The following ADGRB3 variants were observed in gnomAD, a reference collection of about 807,000 sequenced individuals.
The protein encoded by ADGRB3 is brain-specific angiogenesis inhibitor 3.
ADGRB3 carries 37 observed loss-of-function variants against 193.4 expected under a neutral mutation model. That is an observed-to-expected ratio of 0.19 (90% CI 0.15 to 0.25). The LOEUF (loss-of-function observed/expected upper bound fraction) is 0.25, where lower values mean the gene tolerates loss of function less well. ADGRB3 is among the 10% of genes least tolerant of loss of function. The pLI, the probability that ADGRB3 is intolerant of heterozygous loss-of-function variation, is 1.00. For missense variants in ADGRB3, 1,637 were observed against 1,852.9 expected, an observed-to-expected ratio of 0.88 and a Z score of 2.14; for synonymous variants, 690 against 644.2, an observed-to-expected ratio of 1.07 and a Z score of -1.08.
At chr6:69,290,093 A>G (rs955017333) in intron 20 of ADGRB3, among the ~76,000 whole-genome samples, 1 of 152,086 alleles carries the variant, frequency 6.6e-6, no homozygotes, top group African/African-American at 2.4e-5. Context: ...CAAGTTGCTA[A>G]GCTCAGAGGA....
At chr6:68,801,614 G>A (rs1055386044) in intron 3 of ADGRB3, among the ~76,000 whole-genome samples, 4 of 152,024 alleles carry the variant, frequency 2.6e-5, no homozygotes, top group South Asian at 4.1e-4. Flanking sequence ...GTTTGAACGC[G>A]GGAGGCAGAG....
chr6:68,768,799 A>C (rs962745198), intron 3 of ADGRB3, among the ~76,000 whole-genome samples: 1 of 152,120 alleles, frequency 6.6e-6, no homozygotes, highest in African/African-American at 2.4e-5. Flanking sequence ...CCATCTGACA[A>C]AGGGCTAATG....
At chr6:68,642,442 A>G (rs1239201563) in intron 3 of ADGRB3, among the ~76,000 whole-genome samples, 2 of 152,162 alleles carry the variant, frequency 1.3e-5, no homozygotes, top group African/African-American at 2.4e-5. Context: ...CTTCTTTAAT[A>G]ATATATTCAT....
At chr6:68,689,577 C>T (rs1421646377) in intron 3 of ADGRB3, among the ~76,000 whole-genome samples, 2 of 152,022 alleles carry the variant, frequency 1.3e-5, no homozygotes, top group East Asian at 1.9e-4. Flanking sequence ...ATCTCTTTAT[C>T]AGTAATTCAA....
intron 17 of ADGRB3, among the ~76,000 whole-genome samples, chr6:69,136,677 C>T (rs1774158481): frequency 6.6e-6 from 1 of 151,862 alleles, no homozygotes. Flanking sequence ...ATTTTCTTCA[C>T]TCTTTAACTT....
At chr6:69,249,038 C>T (rs890312215) in intron 20 of ADGRB3, among the ~76,000 whole-genome samples, 8 of 152,210 alleles carry the variant, frequency 5.3e-5, no homozygotes, top group African/African-American at 9.6e-5. Context: ...AGTGCAGTAG[C>T]GCGATCTTGG....
At chr6:69,322,139 T>C (rs1330537621) in intron 20 of ADGRB3, among the ~76,000 whole-genome samples, 1 of 152,018 alleles carries the variant, frequency 6.6e-6, no homozygotes, top group Non-Finnish European at 1.5e-5. Context: ...TTGCTAAGAA[T>C]AATGGCCTCC....
At chr6:69,205,559 G>A (rs1026464997) in intron 17 of ADGRB3, among the ~76,000 whole-genome samples, 11 of 152,088 alleles carry the variant, frequency 7.2e-5, no homozygotes, top group Non-Finnish European at 5.9e-5. Flanking sequence ...TTTGCCTCAT[G>A]GTTCTGGAGG....
rs59471051 is a variant in ADGRB3 at position 69,101,433 on chromosome 6, CGTGT to C, written c.2480+25420_2480+25423del. 1.6e-3 allele frequency among the ~76,000 whole-genome samples: 239 copies of C among 145,372 alleles called. 1 individual carries two copies. Among genetic ancestry groups the C allele is most frequent in the African/African-American group, 5.2e-3 (205 of 39,208 alleles). On this transcript the variant is annotated intron_variant, in intron 17 of 31. Coordinates refer to ENST00000370598, the MANE Select transcript of ADGRB3 (RefSeq NM_001704.3). ...TGCAAATATTAGATACAGTAAGTAT[CGTGT>C]GTGTGTGTGTGTGTGTGTGTGTGTA... is the stretch of plus-strand genomic sequence containing the variant.
chr6:68,735,753 G>A (rs1396753822), intron 3 of ADGRB3, among the ~76,000 whole-genome samples: 1 of 151,932 alleles, frequency 6.6e-6, no homozygotes, highest in Non-Finnish European at 1.5e-5. Context: ...ATTTTATAGA[G>A]AAAAAGAACT....
chr6:68,862,114 TTTAAAGAGGAGGAGGGACCCCCC>T (rs1765172145), intron 3 of ADGRB3, among the ~76,000 whole-genome samples: 1 of 117,510 alleles, frequency 8.5e-6, no homozygotes, highest in Admixed American at 9.1e-5. Context: ...CCTCACTATG[TTTAAAGAGGAGGAGGGACCCCCC>T]CCCCCACCCC....
At chr6:68,959,033 G>T (rs768454566) in intron 8 of ADGRB3, among the ~76,000 whole-genome samples, 2 of 151,896 alleles carry the variant, frequency 1.3e-5, no homozygotes, top group Admixed American at 6.6e-5. Context: ...CTTTCTTAGA[G>T]AATTTTTTTA....
intron 3 of ADGRB3, among the ~76,000 whole-genome samples, chr6:68,893,643 C>T (rs1582291252): frequency 1.3e-5 from 2 of 151,392 alleles, no homozygotes; most frequent in South Asian, 4.2e-4. Context: ...GAAAGGAACA[C>T]ACTATAAGTA....
chr6:68,880,431 T>G (rs1340311958), intron 3 of ADGRB3, among the ~76,000 whole-genome samples: 1 of 152,210 alleles, frequency 6.6e-6, no homozygotes, highest in East Asian at 1.9e-4. Context: ...TAAAAACTCT[T>G]AGACTGACAA....
chr6:69,020,648 C>G (rs1167947948), intron 13 of ADGRB3, among the ~76,000 whole-genome samples: 2 of 151,868 alleles, frequency 1.3e-5, no homozygotes, highest in African/African-American at 2.4e-5. Flanking sequence ...GTTCTGCCTT[C>G]TGATTGTTTA....
At position 68,915,252 on chromosome 6, in the gene ADGRB3, G is replaced by C. The variant is rs544378038; in HGVS notation, c.758-15307G>C. 4.0e-5 allele frequency among the ~76,000 whole-genome samples: 6 copies of C among 151,610 alleles called. No homozygotes were observed. In the East Asian group the frequency reaches 9.7e-4, roughly 24 times the overall value. On this transcript the variant is annotated intron_variant, in intron 3 of 31. Coordinates refer to ENST00000370598, the MANE Select transcript of ADGRB3 (RefSeq NM_001704.3). The stretch of plus-strand genomic sequence containing the variant: ...AACATAACCTCTTGAAACCTCATCA[G>C]CTTCATAAGTAAAATGAGAATAATA...
intron 3 of ADGRB3, among the ~76,000 whole-genome samples, chr6:68,656,909 C>G (rs1768503009): frequency 6.6e-6 from 1 of 151,420 alleles, no homozygotes; most frequent in Non-Finnish European, 1.5e-5. Context: ...TAGTCTGTAC[C>G]AAAAGCAATA....
At chr6:68,874,962 C>T (rs77304716) in intron 3 of ADGRB3, among the ~76,000 whole-genome samples, 10,920 of 146,628 alleles carry the variant, frequency 0.074, 714 homozygotes, top group Non-Finnish European at 0.11. Flanking sequence ...CACTGATATC[C>T]CCTCAATGCC....
At chr6:69,199,408 T>A (rs1420190621) in intron 17 of ADGRB3, among the ~76,000 whole-genome samples, 1 of 152,094 alleles carries the variant, frequency 6.6e-6, no homozygotes, top group Non-Finnish European at 1.5e-5. Context: ...GTAGTAATAA[T>A]CTGCATAATA....
Sources: gnomAD v4.1 joint callset for allele counts (sites outside exome capture counted in the v4.1 genomes callset) on GRCh38, gnomAD v4.1.1 for gene constraint, MANE v1.5 for transcripts, NCBI Gene and HGNC (gene_info 2026-07-23, HGNC 2026-07-21) for gene names.